The following XPR1 variants were observed in gnomAD, a reference collection of about 807,000 sequenced individuals.
XPR1 encodes the protein solute carrier family 53 member 1.
Under a neutral mutation model 87.5 loss-of-function variants are expected in XPR1, and 28 were observed. The ratio of observed to expected loss-of-function variants is 0.32; its 90% CI spans 0.24 to 0.44. XPR1 has a LOEUF of 0.44. Ranked by LOEUF, XPR1 falls within the 20% of genes least tolerant of loss-of-function variation. XPR1 has a pLI of 1.00. For synonymous variants in XPR1, 300 were observed against 306.1 expected, an observed-to-expected ratio of 0.98 and a Z score of 0.21; for missense variants, 559 against 862.3, an observed-to-expected ratio of 0.65 and a Z score of 4.41.
intron 2 of XPR1, among the ~76,000 whole-genome samples, chr1:180,747,489 T>A (rs1451608645): frequency 6.6e-6 from 1 of 152,210 alleles, no homozygotes. Flanking sequence ...TTTTTAGTGA[T>A]CTTAAGTACA....
At chr1:180,676,255 C>T (rs1656366754) in intron 1 of XPR1, among the ~76,000 whole-genome samples, 1 of 152,168 alleles carries the variant, frequency 6.6e-6, no homozygotes, top group Non-Finnish European at 1.5e-5. Context: ...TATTGAGCGC[C>T]TACTGTGTAT....
rs537078821 is a variant in XPR1 at position 180,861,943 on chromosome 1, C to A, written c.1502-1765C>A. 2.0e-5 allele frequency among the ~76,000 whole-genome samples: 3 copies of A among 151,822 alleles called. No individual in the cohort carries two copies. In the East Asian group the frequency reaches 5.8e-4, roughly 29 times the overall value. ...ATACAGTATTTCCATCATGCAAGTA[C>A]AATAAATACATCCAACCTCGAGAAT... On this transcript the variant is annotated intron_variant, in intron 11 of 14. Transcript: ENST00000367590.
rs1264657610 is a variant in XPR1, at chr1:180,719,870, CT to C, written c.121+37463del. On this transcript the variant is annotated intron_variant, in intron 2 of 14. Coordinates refer to ENST00000367590, the MANE Select transcript of XPR1 (RefSeq NM_004736.4). ...TAAGTTAGATGCTCTTAAGTATTCTCTTTTGAGCAAATAAAACACTGGACTT... is the reference window on the plus strand; with the variant it reads ...TAAGTTAGATGCTCTTAAGTATTCTCTTTGAGCAAATAAAACACTGGACTT... 2.0e-5 allele frequency among the ~76,000 whole-genome samples: 3 copies of C among 152,110 alleles called. No individual in the cohort carries two copies. The South Asian group carries it at 6.2e-4, about 32-fold the overall frequency.
intron 2 of XPR1, among the ~76,000 whole-genome samples, chr1:180,739,866 G>A (rs943366455): frequency 1.3e-5 from 2 of 151,960 alleles, no homozygotes; most frequent in African/African-American, 4.8e-5. Context: ...TTAGCCTCCT[G>A]AGTAGCTGAG....
intron 2 of XPR1, among the ~76,000 whole-genome samples, chr1:180,709,772 G>A (rs1657698298): frequency 6.6e-6 from 1 of 151,768 alleles, no homozygotes; most frequent in Non-Finnish European, 1.5e-5. Flanking sequence ...AATGACTAAC[G>A]ATATTGAGAC....
At chr1:180,836,021 A>G (rs1179330212) in intron 10 of XPR1, among the ~76,000 whole-genome samples, 3 of 152,090 alleles carry the variant, frequency 2.0e-5, no homozygotes, top group Non-Finnish European at 4.4e-5. Context: ...TAGTTCCCCC[A>G]CAACATATTT....
At chr1:180,655,179 G>A (rs2101908121) in intron 1 of XPR1, among the ~76,000 whole-genome samples, 1 of 152,174 alleles carries the variant, frequency 6.6e-6, no homozygotes, top group East Asian at 1.9e-4. Context: ...GATTAGTGAT[G>A]CTGAGCATCT....
At chr1:180,770,321 G>A (rs1333266971) in intron 2 of XPR1, among the ~76,000 whole-genome samples, 2 of 152,180 alleles carry the variant, frequency 1.3e-5, no homozygotes, top group East Asian at 3.8e-4. Context: ...CAGAGTGCCA[G>A]CATGGTTGGT....
intron 11 of XPR1, among the ~76,000 whole-genome samples, chr1:180,845,402 G>A (rs1166170955): frequency 6.6e-6 from 1 of 152,180 alleles, no homozygotes; most frequent in Non-Finnish European, 1.5e-5. Context: ...CAAATGTTCA[G>A]CAATAGGAGA....
At chr1:180,656,844 A>G (rs936088338) in intron 1 of XPR1, among the ~76,000 whole-genome samples, 1 of 150,836 alleles carries the variant, frequency 6.6e-6, no homozygotes, top group Non-Finnish European at 1.5e-5. Flanking sequence ...TCTTTATTCC[A>G]GGTATATACC....
At chr1:180,846,699 G>A (rs915736382) in intron 11 of XPR1, among the ~76,000 whole-genome samples, 2 of 151,844 alleles carry the variant, frequency 1.3e-5, no homozygotes, top group African/African-American at 2.4e-5. Flanking sequence ...TGCCTGCCTC[G>A]GGCTCCCAAA....
chr1:180,641,201 A>T (rs113443675), intron 1 of XPR1, among the ~76,000 whole-genome samples: 2,550 of 152,322 alleles, frequency 0.017, 79 homozygotes, highest in African/African-American at 0.056. Context: ...AATAGTACTT[A>T]CAGGATTGTT....
intron 2 of XPR1, among the ~76,000 whole-genome samples, chr1:180,765,935 ACAGT>A (rs1057093730): frequency 6.6e-6 from 1 of 152,006 alleles, no homozygotes; most frequent in Non-Finnish European, 1.5e-5. Context: ...TTTCAAGAAG[ACAGT>A]CAGTTCTTTG....
At position 180,846,155 on chromosome 1, in the gene XPR1, G is replaced by A. The variant is rs543327970; in HGVS notation, c.1501+9439G>A. On this transcript the variant is annotated intron_variant, in intron 11 of 14. Transcript: ENST00000367590. ...CATGCACCTGTAATTCCAGCTACTC[G>A]GGAGGCCAAGGCAGGAGAATCGCTT... 7.2e-5 allele frequency among the ~76,000 whole-genome samples: 11 copies of A among 151,828 alleles called. No individual in the cohort carries two copies. In the East Asian group the frequency reaches 1.8e-3, roughly 24 times the overall value.
intron 1 of XPR1, among the ~76,000 whole-genome samples, chr1:180,677,757 C>CA (rs898211040): frequency 6.6e-6 from 1 of 152,150 alleles, no homozygotes; most frequent in Non-Finnish European, 1.5e-5. Flanking sequence ...ATCTTTGTTT[C>CA]AAAGTTGCAC....
chr1:180,632,948 G>A (rs887500169), intron 1 of XPR1, among the ~76,000 whole-genome samples: 7 of 152,238 alleles, frequency 4.6e-5, no homozygotes, highest in Non-Finnish European at 1.5e-5. Flanking sequence ...GAAGTCTACA[G>A]AGTAATAACA....
At chr1:180,854,414 G>T (rs1026186790) in intron 11 of XPR1, among the ~76,000 whole-genome samples, 2 of 152,218 alleles carry the variant, frequency 1.3e-5, no homozygotes, top group Non-Finnish European at 2.9e-5. Flanking sequence ...AAACATATAT[G>T]TTACATATGT....
In XPR1 at chr1:180,824,755, G is replaced by A. The variant is rs368033296; in HGVS notation, c.766G>A (p.Val256Ile). Reference sequence around the variant, plus strand: ...CCAATATCTTAATATTCTTTCAGCTGTATTTAAACTTGAAACAGATAGAAG... The same window carrying A: ...CCAATATCTTAATATTCTTTCAGCTATATTTAAACTTGAAACAGATAGAAG... ...VLNITLVLAA[V>I]FKLETDRSIW... is the part of the protein sequence containing the mutation. The change falls in exon 8 of 15, where the codon GTA becomes ATA. Residue 256 changes from valine (V) to isoleucine (I), a missense_variant and splice_region_variant. By Grantham distance (29) the Val-to-Ile change is conservative. Around this residue, in one of 7 missense-constraint regions of XPR1, gnomAD observed 39 missense variants for 38.5 expected, o/e 1.01. Transcript: ENST00000367590. The A allele has an allele frequency of 1.5e-5, 24 of 1,606,104 alleles. No homozygotes were observed. Among genetic ancestry groups the A allele is most frequent in the African/African-American group, 2.7e-5 (2 of 74,414 alleles).
intron 3 of XPR1, among the ~76,000 whole-genome samples, chr1:180,794,775 A>G (rs1203283426): frequency 1.3e-5 from 2 of 152,226 alleles, no homozygotes; most frequent in Non-Finnish European, 2.9e-5. Context: ...CCAGATGCAC[A>G]GTGGTGTTAA....
Sources: allele counts gnomAD v4.1 joint callset (sites outside exome capture counted in the v4.1 genomes callset), GRCh38; gene constraint gnomAD v4.1.1; regional missense constraint gnomAD v4.1.1; transcripts MANE v1.5; gene names NCBI Gene and HGNC (gene_info 2026-07-23, HGNC 2026-07-21).